Variants in RAB31 observed in about 807,000 individuals in gnomAD.
The protein encoded by RAB31 is ras-related protein Rab-31.
Under a neutral mutation model 25.6 loss-of-function variants are expected in RAB31, and 21 were observed. The ratio of observed to expected loss-of-function variants is 0.82; its 90% CI spans 0.58 to 1.18. The LOEUF (loss-of-function observed/expected upper bound fraction) is 1.18, where lower values mean the gene tolerates loss of function less well. RAB31 is among the 50% of genes most tolerant of loss of function. The probability of loss-of-function intolerance (pLI) is 0.00; values close to 1 mark genes in which losing one functional copy is unlikely to be tolerated. For missense variants in RAB31, 196 were observed against 250.1 expected (o/e 0.78, Z 1.46); for synonymous variants, 87 against 84.0 (o/e 1.04, Z -0.20).
intron 5 of RAB31, among the ~76,000 whole-genome samples, chr18:9,839,831 T>C (rs2068723666): frequency 6.6e-6 from 1 of 152,226 alleles, no homozygotes; most frequent in South Asian, 2.1e-4. Flanking sequence ...GGCAGTCACC[T>C]ATCCTTCATC....
chr18:9,802,726 C>T, intron 3 of RAB31, among the ~76,000 whole-genome samples: 1 of 152,212 alleles, frequency 6.6e-6, no homozygotes, highest in Non-Finnish European at 1.5e-5. Flanking sequence ...AGATCATGTG[C>T]CCAGAGGGCT....
At chr18:9,788,793 C>T (rs537449813) in intron 2 of RAB31, among the ~76,000 whole-genome samples, 1 of 152,266 alleles carries the variant, frequency 6.6e-6, no homozygotes, top group African/African-American at 2.4e-5. Context: ...TGGTGAAACC[C>T]CATCTCTACT....
At chr18:9,800,857 C>T (rs187318464) in intron 3 of RAB31, among the ~76,000 whole-genome samples, 4 of 152,198 alleles carry the variant, frequency 2.6e-5, no homozygotes, top group South Asian at 4.1e-4. Flanking sequence ...ATCTAAAGTA[C>T]GCACCTTGGT....
chr18:9,708,511 T>G lies in RAB31; in HGVS notation c.39+67T>G. 1 of 1,383,602 alleles carries G rather than the reference T, an allele frequency of 7.2e-7. No individual in the cohort carries two copies. The highest frequency in any genetic ancestry group is 9.7e-7 in the Non-Finnish European group (1 of 1,026,842). 85.7% of individuals were successfully genotyped at this position (1,383,602 alleles called of 1,614,324 possible). A position where few individuals can be genotyped will look rare whatever the true frequency, so the allele number is the denominator to read the frequency against. Reference sequence around the variant, plus strand: ...CTCTCGCGCCCCTTCGCTCCCCTATTCCCTGCGCGCTCAGTCCCCGTGATC... The same window carrying G: ...CTCTCGCGCCCCTTCGCTCCCCTATGCCCTGCGCGCTCAGTCCCCGTGATC... On this transcript the variant is annotated intron_variant, in intron 1 of 6. Transcript: ENST00000578921. This position sits in a 1 kb window ranked among gnomAD's most constrained non-coding sequence, Gnocchi z 6.4.
At chr18:9,788,020 C>G (rs1257936834) in intron 2 of RAB31, among the ~76,000 whole-genome samples, 1 of 152,168 alleles carries the variant, frequency 6.6e-6, no homozygotes, top group Non-Finnish European at 1.5e-5. Flanking sequence ...TGATATCTAT[C>G]AAAGGTACCA....
intron 1 of RAB31, among the ~76,000 whole-genome samples, chr18:9,736,012 A>G (rs2068149326): frequency 6.6e-6 from 1 of 151,604 alleles, no homozygotes; most frequent in Admixed American, 6.6e-5. Context: ...AATTTTTAAA[A>G]TTTTTGCAGC....
At chr18:9,828,251 C>T (rs912349297) in intron 5 of RAB31, among the ~76,000 whole-genome samples, 5 of 152,084 alleles carry the variant, frequency 3.3e-5, no homozygotes, top group African/African-American at 7.2e-5. Flanking sequence ...TGGGTGGGCT[C>T]GATGTGCTGG....
chr18:9,843,959 C>T (rs1442237174), intron 5 of RAB31, among the ~76,000 whole-genome samples: 3 of 152,140 alleles, frequency 2.0e-5, no homozygotes. Flanking sequence ...AAGCCATTTA[C>T]AGGCTCTGGG....
At chr18:9,772,523 G>A (rs919189929) in intron 1 of RAB31, among the ~76,000 whole-genome samples, 2 of 152,154 alleles carry the variant, frequency 1.3e-5, no homozygotes, top group African/African-American at 4.8e-5. Flanking sequence ...GTATCTCCCC[G>A]CCAATGGGGT....
At chr18:9,843,632 C>A (rs962228092) in intron 5 of RAB31, among the ~76,000 whole-genome samples, 6 of 151,326 alleles carry the variant, frequency 4.0e-5, no homozygotes, top group African/African-American at 1.5e-4. Flanking sequence ...TTTCTGTAAT[C>A]TTTCAAATAT....
intron 5 of RAB31, among the ~76,000 whole-genome samples, chr18:9,826,132 G>A (rs2068648447): frequency 6.6e-6 from 1 of 152,126 alleles, no homozygotes; most frequent in African/African-American, 2.4e-5. Flanking sequence ...ATCCCAACAT[G>A]TTGGGAGGCT....
intron 1 of RAB31, among the ~76,000 whole-genome samples, chr18:9,744,273 T>A (rs1160193138): frequency 6.6e-6 from 1 of 152,194 alleles, no homozygotes. Flanking sequence ...TTGGTAGCAA[T>A]GCAAAATAAC....
intron 1 of RAB31, among the ~76,000 whole-genome samples, chr18:9,770,506 G>A (rs1037047645): frequency 3.3e-5 from 5 of 152,218 alleles, no homozygotes; most frequent in African/African-American, 1.2e-4. Flanking sequence ...TTCAGAATAA[G>A]TGGTTGTTCT....
intron 1 of RAB31, among the ~76,000 whole-genome samples, chr18:9,769,281 T>C (rs1004066570): frequency 1.1e-4 from 17 of 152,228 alleles, no homozygotes; most frequent in African/African-American, 3.4e-4. Flanking sequence ...TAAATTACTT[T>C]GGGCAGTATG....
chr18:9,719,298 AATATATATATATAT>A (rs71168101), intron 1 of RAB31, among the ~76,000 whole-genome samples: 3 of 23,108 alleles, frequency 1.3e-4, no homozygotes, highest in Non-Finnish European at 2.7e-4. Flanking sequence ...AAAAAAAAAA[AATATATATATATAT>A]ATATATATAT....
intron 1 of RAB31, among the ~76,000 whole-genome samples, chr18:9,730,873 G>A (rs975579759): frequency 5.3e-5 from 8 of 152,170 alleles, no homozygotes; most frequent in Admixed American, 1.3e-4. Context: ...TTGGGGGAAA[G>A]CATCTGCATT....
At chr18:9,829,581 CA>C (rs1266774529) in intron 5 of RAB31, among the ~76,000 whole-genome samples, 1 of 152,206 alleles carries the variant, frequency 6.6e-6, no homozygotes, top group Admixed American at 6.5e-5. Context: ...TGCTGAGTTT[CA>C]GGGGGTGCAC....
chr18:9,753,544 T>A (rs775391618), intron 1 of RAB31, among the ~76,000 whole-genome samples: 3 of 152,210 alleles, frequency 2.0e-5, no homozygotes, highest in Admixed American at 1.3e-4. Context: ...TATAAATTAC[T>A]CAGTTTCAGG....
intron 3 of RAB31, among the ~76,000 whole-genome samples, chr18:9,798,555 A>C (rs1433275370): frequency 1.3e-5 from 2 of 152,064 alleles, no homozygotes. Flanking sequence ...TTTTAAACAA[A>C]CAATCACTTT....
Sources: allele counts gnomAD v4.1 joint callset (sites outside exome capture counted in the v4.1 genomes callset), GRCh38; gene constraint gnomAD v4.1.1; non-coding constraint Gnocchi (gnomAD v3.1); transcripts MANE v1.5; gene names NCBI Gene and HGNC (gene_info 2026-07-23, HGNC 2026-07-21).